Variants in DIAPH2 observed in about 807,000 individuals in gnomAD.
DIAPH2 encodes diaphanous related formin 2, also known as protein diaphanous homolog 2.
DIAPH2 carries 35 observed loss-of-function variants against 92.7 expected under a neutral mutation model. The observed-to-expected ratio is 0.38, with a 90% CI of 0.29 to 0.50. DIAPH2 has a LOEUF of 0.50. DIAPH2 is among the 20% of genes least tolerant of loss of function. The pLI is 0.94. For synonymous variants in DIAPH2, 301 were observed against 280.4 expected (o/e 1.07, Z -0.73); for missense variants, 701 against 819.5 (o/e 0.86, Z 1.77).
At chrX:96,956,859 A>T (rs1021973203) in intron 15 of DIAPH2, among the ~76,000 whole-genome samples, 6 of 111,023 alleles carry the variant, frequency 5.4e-5, no homozygotes, top group African/African-American at 2.0e-4. Flanking sequence ...AACTATTCCA[A>T]CCTCTGCCTG....
intron 22 of DIAPH2, among the ~76,000 whole-genome samples, chrX:97,235,758 T>A (rs1024159209): frequency 9.0e-6 from 1 of 110,795 alleles, no homozygotes; most frequent in Non-Finnish European, 1.9e-5. Flanking sequence ...AATTTTTTTT[T>A]AAAATCCATT....
intron 26 of DIAPH2, among the ~76,000 whole-genome samples, chrX:97,508,585 A>G (rs1314504630): frequency 5.4e-5 from 6 of 111,899 alleles, no homozygotes; most frequent in African/African-American, 1.9e-4. Flanking sequence ...TGTCTTTTTA[A>G]TTGCATTTCT....
chrX:97,012,805 G>C (rs1178058582), intron 17 of DIAPH2, among the ~76,000 whole-genome samples: 1 of 112,096 alleles, frequency 8.9e-6, no homozygotes, highest in Non-Finnish European at 1.9e-5. Context: ...GTCTCTCCTA[G>C]CAAAGGAACC....
Position 97,449,626 on chromosome X carries a change from C to T in DIAPH2, c.3241+19881C>T, listed in dbSNP as rs141561524. ...AAGGTAGTATTTTCAATTGGTTACCCGGCTTTTAACAAAACAATTCCTATT... is the reference window on the plus strand; with the variant it reads ...AAGGTAGTATTTTCAATTGGTTACCTGGCTTTTAACAAAACAATTCCTATT... On this transcript the variant is annotated intron_variant, in intron 26 of 26. Coordinates refer to ENST00000324765, the MANE Select transcript of DIAPH2 (RefSeq NM_006729.5). 1,737 of 731,704 alleles carry T rather than the reference C, an allele frequency of 2.4e-3. 16 individuals carry two copies. In the African/African-American group the frequency reaches 0.038, roughly 16 times the overall value. The allele number at this position is 731,704 out of a possible 1,213,427, so 60.3% of individuals were successfully genotyped here.
At chrX:97,130,273 C>T (rs764052972) in intron 21 of DIAPH2, among the ~76,000 whole-genome samples, 16 of 111,760 alleles carry the variant, frequency 1.4e-4, no homozygotes, top group Admixed American at 2.9e-4. Flanking sequence ...ATAAAAGAAT[C>T]GGAAGCAGGG....
intron 23 of DIAPH2, among the ~76,000 whole-genome samples, chrX:97,329,666 A>G (rs773778250): frequency 9.0e-6 from 1 of 110,825 alleles, no homozygotes; most frequent in Non-Finnish European, 1.9e-5. Context: ...CAAAAGGGAG[A>G]GCACATGTGA....
At chrX:96,968,765 A>T (rs2065909461) in intron 17 of DIAPH2, among the ~76,000 whole-genome samples, 1 of 112,036 alleles carries the variant, frequency 8.9e-6, no homozygotes, top group African/African-American at 3.2e-5. Context: ...TTTTTGTTAC[A>T]GTTGCTTTTG....
intron 22 of DIAPH2, among the ~76,000 whole-genome samples, chrX:97,186,075 T>A (rs1236658358): frequency 5.4e-5 from 6 of 111,128 alleles, no homozygotes; most frequent in Non-Finnish European, 1.1e-4. Context: ...ATAAATGATT[T>A]AAAAAAAACT....
At chrX:97,245,903 C>CTTT (rs748187119) in intron 22 of DIAPH2, among the ~76,000 whole-genome samples, 14 of 98,023 alleles carry the variant, frequency 1.4e-4, no homozygotes, top group African/African-American at 5.2e-4. Context: ...TTTGTCTTCA[C>CTTT]TTTTTTTTTT....
chrX:97,045,963 C>T (rs2066481024), intron 17 of DIAPH2, among the ~76,000 whole-genome samples: 1 of 103,938 alleles, frequency 9.6e-6, no homozygotes, highest in Non-Finnish European at 1.9e-5. Flanking sequence ...AAGCGATTCT[C>T]GTGCCTCAGC....
At chrX:97,150,189 A>G (rs1264543369) in intron 22 of DIAPH2, among the ~76,000 whole-genome samples, 1 of 111,865 alleles carries the variant, frequency 8.9e-6, no homozygotes, top group African/African-American at 3.3e-5. Flanking sequence ...TGAAATGTCA[A>G]AAGGACTTAG....
chrX:97,024,086 G>T (rs944731209), intron 17 of DIAPH2, among the ~76,000 whole-genome samples: 1 of 111,802 alleles, frequency 8.9e-6, no homozygotes, highest in Non-Finnish European at 1.9e-5. Flanking sequence ...CAGTGAGATG[G>T]ATACTAGGGG....
chrX:97,544,325 G>A (rs1042512902), intron 26 of DIAPH2, among the ~76,000 whole-genome samples: 3 of 112,111 alleles, frequency 2.7e-5, no homozygotes, highest in Non-Finnish European at 5.6e-5. Flanking sequence ...ATACTTAAAG[G>A]CATATTATTT....
At chrX:97,346,993 T>C (rs1466853245) in intron 23 of DIAPH2, among the ~76,000 whole-genome samples, 3 of 110,532 alleles carry the variant, frequency 2.7e-5, no homozygotes, top group African/African-American at 6.6e-5. Flanking sequence ...CATCACCTTC[T>C]TCCTTCTCTG....
intron 17 of DIAPH2, among the ~76,000 whole-genome samples, chrX:97,003,084 T>G (rs1418422694): frequency 1.8e-5 from 2 of 111,689 alleles, no homozygotes; most frequent in Non-Finnish European, 3.8e-5. Flanking sequence ...CTCCACATAA[T>G]GATCACCAGT....
At chrX:97,308,195 T>TA (rs1261254983) in intron 23 of DIAPH2, among the ~76,000 whole-genome samples, 1 of 111,783 alleles carries the variant, frequency 8.9e-6, no homozygotes, top group Non-Finnish European at 1.9e-5. Context: ...TAGCAATGAC[T>TA]AAAAAAATAC....
At chrX:96,914,519 C>T (rs951833347) in intron 7 of DIAPH2, among the ~76,000 whole-genome samples, 3 of 111,050 alleles carry the variant, frequency 2.7e-5, no homozygotes, top group Non-Finnish European at 3.8e-5. Flanking sequence ...GAGTATCAGT[C>T]CCCTCATCTG....
At chrX:96,847,395 A>G (rs2064978996) in intron 4 of DIAPH2, among the ~76,000 whole-genome samples, 2 of 111,874 alleles carry the variant, frequency 1.8e-5, no homozygotes, top group South Asian at 7.5e-4. Context: ...GCAGACCTGT[A>G]TTTCAATTTT....
At chrX:96,962,382 CATATATATACACATATATATACACAT>C (rs2065862487) in intron 16 of DIAPH2, among the ~76,000 whole-genome samples, 4 of 57,168 alleles carry the variant, frequency 7.0e-5, no homozygotes, top group African/African-American at 2.5e-4. Flanking sequence ...TATATATACA[CATATATATACACATATATATACACAT>C]ATATATATAC....
Sources: allele counts gnomAD v4.1 joint callset (sites outside exome capture counted in the v4.1 genomes callset), GRCh38; gene constraint gnomAD v4.1.1; transcripts MANE v1.5; gene names NCBI Gene and HGNC (gene_info 2026-07-23, HGNC 2026-07-21).